ABI3BP: variants seen among roughly 807,000 people sequenced by gnomAD.
ABI3BP encodes target of Nesh-SH3.
Under a neutral mutation model 268.6 loss-of-function variants are expected in ABI3BP, and 216 were observed. The observed-to-expected ratio is 0.80, with a 90% confidence interval of 0.72 to 0.90. ABI3BP has a LOEUF of 0.90. Among genes scored for constraint, ABI3BP ranks in the 40% least tolerant of loss-of-function variants. The pLI is 0.00. For synonymous variants in ABI3BP, 730 were observed against 730.0 expected (o/e 1.00, Z 0.00); for missense variants, 2,090 against 2,182.4 (o/e 0.96, Z 0.84).
intron 57 of ABI3BP, among the ~76,000 whole-genome samples, chr3:100,784,917 A>G (rs923508096): frequency 1.3e-5 from 2 of 152,184 alleles, no homozygotes; most frequent in Non-Finnish European, 2.9e-5. Context: ...ATAAAAAACT[A>G]CAACTTATTA....
rs2095222055 is a variant in ABI3BP at position 100,749,749 on chromosome 3, A to G, written c.*746T>C. ...ATAAAAACAATATGAAGACGATTGC[A>G]TAAAGGGATAGTTTGACAAAGCATA... is the stretch of plus-strand genomic sequence containing the variant. On this transcript the variant is annotated 3_prime_UTR_variant, in exon 68 of 68. Transcript: ENST00000471714. 5.0e-6 allele frequency: 2 copies of G among 398,434 alleles called. No individual in the cohort carries two copies. The highest frequency in any genetic ancestry group is 8.8e-5 in the Admixed American group (2 of 22,734). The allele number at this position is 398,434 out of a possible 1,614,324, so 24.7% of individuals were successfully genotyped here.
intron 22 of ABI3BP, among the ~76,000 whole-genome samples, chr3:100,840,378 C>G (rs1013376658): frequency 6.6e-6 from 1 of 152,092 alleles, no homozygotes; most frequent in African/African-American, 2.4e-5. Context: ...AGAGATCTGT[C>G]TGTTCTTCCA....
intron 10 of ABI3BP, among the ~76,000 whole-genome samples, chr3:100,865,306 T>C (rs113607659): frequency 7.9e-5 from 12 of 152,214 alleles, no homozygotes; most frequent in Admixed American, 2.6e-4. Context: ...GATAATAGTT[T>C]ATTAAACGAA....
chr3:100,943,108 T>C (rs1390762924), intron 1 of ABI3BP, among the ~76,000 whole-genome samples: 3 of 152,116 alleles, frequency 2.0e-5, no homozygotes, highest in African/African-American at 7.2e-5. Flanking sequence ...CTAACCAATA[T>C]ATTTAGAGAT....
At chr3:100,770,467 C>T (rs1433491147) in intron 62 of ABI3BP, among the ~76,000 whole-genome samples, 3 of 152,120 alleles carry the variant, frequency 2.0e-5, no homozygotes, top group Non-Finnish European at 1.5e-5. Context: ...CTAGCTTCTT[C>T]TTCATTGTGT....
At chr3:100,828,757 A>T (rs1033189848) in intron 33 of ABI3BP, among the ~76,000 whole-genome samples, 39 of 152,222 alleles carry the variant, frequency 2.6e-4, no homozygotes, top group African/African-American at 9.1e-4. Flanking sequence ...TAGATGATAC[A>T]CATTTTGCTG....
In ABI3BP at chr3:100,775,255, C is replaced by T. The variant is rs761010094; in HGVS notation, c.4414G>A (p.Glu1472Lys). The T allele has an allele frequency of 2.5e-6, 4 of 1,611,370 alleles. No homozygotes were observed. The South Asian group carries it at 3.3e-5, about 13-fold the overall frequency. The change falls in exon 60 of 68, where the codon GAG becomes AAG. Residue 1472 changes from glutamate (E) to lysine (K), a missense_variant. Glu to Lys is a moderately conservative substitution (Grantham distance 56, BLOSUM62 1). Coordinates refer to ENST00000471714, the MANE Select transcript of ABI3BP (RefSeq NM_001375547.2). ...ACTGTTGGTTGCTTTATATCTGTCT[C>T]TATTCTCTCCAAGGGAGTTCCAGTA... ...RPTGTPLERI[E>K]TDIKQPTVPA... is the part of the protein sequence containing the mutation.
chr3:100,836,958 G>A (rs538896463), intron 27 of ABI3BP, among the ~76,000 whole-genome samples, 166 bp downstream of exon 27: 1 of 152,320 alleles, frequency 6.6e-6, no homozygotes, highest in South Asian at 2.1e-4. Flanking sequence ...GCAGATGTAA[G>A]GATGCCTAAT....
intron 2 of ABI3BP, among the ~76,000 whole-genome samples, chr3:100,904,885 A>G (rs1394372584): frequency 6.6e-6 from 1 of 152,218 alleles, no homozygotes; most frequent in Non-Finnish European, 1.5e-5. Context: ...TAGAAATACC[A>G]TTTGATCCAG....
intron 56 of ABI3BP, among the ~76,000 whole-genome samples, chr3:100,788,592 C>G (rs1367529571): frequency 1.3e-5 from 2 of 152,038 alleles, no homozygotes; most frequent in Non-Finnish European, 2.9e-5. Context: ...TATAACCAGT[C>G]TCACATTAAG....
chr3:100,833,140 G>A lies in ABI3BP; in HGVS notation c.2299C>T (p.Pro767Ser). The change falls in exon 30 of 68, where the codon CCT becomes TCT. Residue 767 changes from proline to serine, a missense_variant. Transcript: ENST00000471714. The part of the protein sequence containing the change: ...QTKLDFGPIT[P>S]GTSSAPTTTT... Reference sequence around the variant, plus strand: ...GAGTCATTACCTGAAGATGTCCCAGGAGTAATAGGTCCAAAGTCTGTAGCA... The same window carrying A: ...GAGTCATTACCTGAAGATGTCCCAGAAGTAATAGGTCCAAAGTCTGTAGCA... The A allele has an allele frequency of 6.5e-7, 1 of 1,534,782 alleles. No individual in the cohort carries two copies. The highest frequency in any genetic ancestry group is 8.7e-7 in the Non-Finnish European group (1 of 1,146,060).
rs140910505 is a variant in ABI3BP, at chr3:100,758,251, A to G, written c.4851-3560T>C. 3.4e-3 allele frequency among the ~76,000 whole-genome samples: 523 copies of G among 152,314 alleles called. 5 individuals carry two copies. The highest frequency in any genetic ancestry group is 5.0e-3 in the Non-Finnish European group (342 of 68,020). ...AGGTAACTTAACCTCTCTGAGCTTC[A>G]GTTTACTCTTACATAAAAATGAGGA... is the stretch of plus-strand genomic sequence containing the variant. On this transcript the variant is annotated intron_variant, in intron 63 of 67. Coordinates refer to ENST00000471714, the MANE Select transcript of ABI3BP (RefSeq NM_001375547.2).
chr3:100,812,567 G>C, intron 45 of ABI3BP, 44 bp from the exon 46 acceptor site: 1 of 1,234,982 alleles, frequency 8.1e-7, no homozygotes. Context: ...AGGATAGGTT[G>C]TAAGTATTTA....
At chr3:100,968,196 T>A (rs1283746766) in intron 1 of ABI3BP, among the ~76,000 whole-genome samples, 1 of 152,204 alleles carries the variant, frequency 6.6e-6, no homozygotes, top group Non-Finnish European at 1.5e-5. Flanking sequence ...CCCAAAATCC[T>A]GTTAAGAAAA....
chr3:100,969,411 T>C (rs1206314076), intron 1 of ABI3BP, among the ~76,000 whole-genome samples: 1 of 152,206 alleles, frequency 6.6e-6, no homozygotes, highest in African/African-American at 2.4e-5. Flanking sequence ...AGGCATCCCC[T>C]GCTGCCTCAT....
At chr3:100,784,906 G>A (rs1412214480) in intron 57 of ABI3BP, among the ~76,000 whole-genome samples, 6 of 152,014 alleles carry the variant, frequency 3.9e-5, no homozygotes, top group Admixed American at 3.9e-4. Context: ...GGAAGCTAGG[G>A]ATAAAAAACT....
At chr3:100,974,019 A>G (rs1489403304) in intron 1 of ABI3BP, among the ~76,000 whole-genome samples, 1 of 152,198 alleles carries the variant, frequency 6.6e-6, no homozygotes, top group Non-Finnish European at 1.5e-5. Flanking sequence ...CCTAACAAGT[A>G]TGCCTAACGA....
intron 2 of ABI3BP, among the ~76,000 whole-genome samples, chr3:100,917,305 G>T (rs2058904921): frequency 6.6e-6 from 1 of 152,146 alleles, no homozygotes; most frequent in Admixed American, 6.5e-5. Context: ...CCTAATGCTG[G>T]CTTTCATGGC....
intron 20 of ABI3BP, chr3:100,844,518 G>C (rs1303922351): frequency 4.2e-6 from 4 of 944,034 alleles, no homozygotes. Context: ...AAGAGTGTGC[G>C]GAGAGGGCTG....
Sources: gnomAD v4.1 joint callset for allele counts (sites outside exome capture counted in the v4.1 genomes callset) on GRCh38, gnomAD v4.1.1 for gene constraint, MANE v1.5 for transcripts, NCBI Gene and HGNC (gene_info 2026-07-23, HGNC 2026-07-21) for gene names.